The following TMPRSS5 variants were observed in gnomAD, a reference collection of about 807,000 sequenced individuals.
The protein encoded by TMPRSS5 is transmembrane serine protease 5, also known as transmembrane protease serine 5.
A neutral mutation model predicts 59.7 loss-of-function variants in TMPRSS5; 45 were observed. That is an observed-to-expected ratio of 0.75 (90% CI 0.59 to 0.97). The LOEUF (loss-of-function observed/expected upper bound fraction) is 0.97. TMPRSS5 is among the 50% of genes least tolerant of loss of function. TMPRSS5 has a pLI of 0.00. For synonymous variants in TMPRSS5, 225 were observed against 232.0 expected (o/e 0.97, Z 0.27); for missense variants, 585 against 596.7 (o/e 0.98, Z 0.20).
At chr11:113,700,269 T>G in intron 1 of TMPRSS5, 101 bp from the exon 2 acceptor site, 1 of 1,055,192 alleles carries the variant, frequency 9.5e-7, no homozygotes, top group African/African-American at 1.6e-5. Flanking sequence ...CCAGCCATGA[T>G]TCCATTGCCA....
At chr11:113,696,728 G>A (rs1326215118) in intron 6 of TMPRSS5, 130 bp downstream of exon 6, 2 of 635,560 alleles carry the variant, frequency 3.1e-6, no homozygotes, top group African/African-American at 1.8e-5. Context: ...ACTAGGAAAT[G>A]TTCCTCTTTG....
chr11:113,704,208 A>G (rs185276799), intron 1 of TMPRSS5, among the ~76,000 whole-genome samples: 14 of 152,202 alleles, frequency 9.2e-5, no homozygotes, highest in African/African-American at 3.1e-4. Flanking sequence ...AGATCTTAAA[A>G]AAAACACCAG....
Position 113,696,977 on chromosome 11 carries a change from C to A in TMPRSS5, c.465-6G>T. 1 of 1,559,050 alleles carries A rather than the reference C, an allele frequency of 6.4e-7. No individual in the cohort carries two copies. Among genetic ancestry groups the A allele is most frequent in the Non-Finnish European group, 8.7e-7 (1 of 1,147,804 alleles). On this transcript the variant is annotated splice_region_variant and splice_polypyrimidine_tract_variant and intron_variant, in intron 5 of 12. Transcript: ENST00000299882. ...CTCCCTTGTGGTGAGTGAGTCTTGG[C>A]AGAAGAAGGGAATAGAACAGGAGGA...
At position 113,691,892 on chromosome 11, in the gene TMPRSS5, C is replaced by CTTTTTTTTTTTTTTTTT. The variant is rs58784708; in HGVS notation, c.965-954_965-953insAAAAAAAAAAAAAAAAA. Among the ~76,000 whole-genome samples the CTTTTTTTTTTTTTTTTT allele has an allele frequency of 5.8e-4, 70 of 121,100 alleles. 4 individuals carry two copies. The highest frequency in any genetic ancestry group is 1.2e-3 in the South Asian group (5 of 4,006). The allele number at this position is 121,100 out of a possible 152,430, so 79.4% of individuals were successfully genotyped here. On this transcript the variant is annotated intron_variant, in intron 9 of 12. Transcript: ENST00000299882. ...AGAAAGTTTTCTTTTCCTTTTTTTT[C>CTTTTTTTTTTTTTTTTT]TTTTTTTTTTTTTGAGACGGAGTCT...
chr11:113,695,562 A>C (rs1250005961), intron 6 of TMPRSS5, 119 bp from the exon 7 acceptor site: 1 of 943,430 alleles, frequency 1.1e-6, no homozygotes, highest in Non-Finnish European at 1.7e-6. Flanking sequence ...TAAGGCTGTC[A>C]TGTAGCCACA....
At chr11:113,698,800 T>C (rs1322074309) in intron 4 of TMPRSS5, 105 bp downstream of exon 4, 3 of 1,324,104 alleles carry the variant, frequency 2.3e-6, no homozygotes, top group African/African-American at 1.5e-5. Flanking sequence ...GAAACACATA[T>C]GGTTGGCAGT....
chr11:113,692,279 C>T (rs566750097), intron 9 of TMPRSS5, among the ~76,000 whole-genome samples: 1 of 152,272 alleles, frequency 6.6e-6, no homozygotes, highest in East Asian at 1.9e-4. Context: ...CTTAAGGCTA[C>T]AGGTAATGAC....
Position 113,690,930 on chromosome 11 carries a change from C to G in TMPRSS5, c.974G>C (p.Gly325Ala). 1.3e-6 allele frequency: 2 copies of G among 1,586,356 alleles called. No homozygotes were observed. The highest frequency in any genetic ancestry group is 1.7e-6 in the Non-Finnish European group (2 of 1,166,760). Residue 325 changes from glycine to alanine, a missense_variant, in exon 10 of 13, where the codon GGC becomes GCC. Physicochemically the swap from Gly to Ala is moderately conservative, Grantham distance 60. Transcript: ENST00000299882. ...TTCCTTGGCCGGCAGGCACACAGCG[C>G]CCACAGTGTCTGTAGAGAGGCACAT... ...QTALNFSDTVGAVCLPAKEQH... is the reference protein window; with the variant it reads ...QTALNFSDTVAAVCLPAKEQH...
At chr11:113,702,756 A>G (rs1953177873) in intron 1 of TMPRSS5, among the ~76,000 whole-genome samples, 1 of 152,208 alleles carries the variant, frequency 6.6e-6, no homozygotes, top group Admixed American at 6.5e-5. Flanking sequence ...CATGGCTAAA[A>G]GGGGACAAGG....
At chr11:113,696,564 A>C (rs1038452126) in intron 6 of TMPRSS5, among the ~76,000 whole-genome samples, 3 of 152,356 alleles carry the variant, frequency 2.0e-5, no homozygotes, top group Non-Finnish European at 1.5e-5. Flanking sequence ...CTTTAACCTT[A>C]TTAAGCCTCA....
intron 1 of TMPRSS5, among the ~76,000 whole-genome samples, chr11:113,703,994 G>A (rs912850085): frequency 7.9e-5 from 12 of 152,140 alleles, no homozygotes; most frequent in Admixed American, 5.9e-4. Context: ...TCTCATTGAG[G>A]TGATCACAGA....
intron 5 of TMPRSS5, 53 bp from the exon 6 acceptor site, chr11:113,697,024 G>A (rs201323791): frequency 9.6e-6 from 13 of 1,358,674 alleles, no homozygotes; most frequent in South Asian, 3.7e-5. Context: ...GAATATGTAC[G>A]AGATATAATA....
At chr11:113,699,735 G>A (rs1277887731) in intron 2 of TMPRSS5, 42 bp from the exon 3 acceptor site, 5 of 1,535,240 alleles carry the variant, frequency 3.3e-6, no homozygotes, top group East Asian at 4.9e-5. Context: ...CCCTGCTCCT[G>A]CCAGCCTGCC....
Position 113,700,164 on chromosome 11 carries a change from A to G in TMPRSS5, c.8T>C (p.Leu3Pro). The change falls in exon 2 of 13, where the codon CTG becomes CCG. Residue 3 changes from leucine (L) to proline (P), a missense_variant. By Grantham distance (98) the Leu-to-Pro change is moderately conservative (BLOSUM62 -3). Transcript: ENST00000299882. ...CATAGGGGGTTGGTCATCCAGCATC[A>G]GGCTCTGGGGAAATAAGGGCCAGAC... MS[L>P]MLDDQPPMEA... 6.4e-7 allele frequency: 1 copy of G among 1,564,478 alleles called. No homozygotes were observed. The highest frequency in any genetic ancestry group is 8.7e-7 in the Non-Finnish European group (1 of 1,152,978).
At chr11:113,698,712 C>T in intron 4 of TMPRSS5, 193 bp downstream of exon 4, 1 of 657,368 alleles carries the variant, frequency 1.5e-6, no homozygotes, top group Non-Finnish European at 2.6e-6. Flanking sequence ...TCAGGACAGT[C>T]CTCAGGCAGT....
At chr11:113,697,214 G>T (rs1258721472) in intron 5 of TMPRSS5, 69 bp downstream of exon 5, 34 of 1,552,234 alleles carry the variant, frequency 2.2e-5, no homozygotes. Context: ...GGCAGGTAGA[G>T]GTCTCCAATT....
chr11:113,695,494 C>T (rs1952904089), intron 6 of TMPRSS5, 51 bp from the exon 7 acceptor site: 14 of 1,589,164 alleles, frequency 8.8e-6, no homozygotes, highest in Non-Finnish European at 1.2e-5. Flanking sequence ...GCCCTGCAGC[C>T]ACACACATCC....
At chr11:113,700,345 C>T (rs992592376) in intron 1 of TMPRSS5, among the ~76,000 whole-genome samples, 177 bp from the exon 2 acceptor site, 1 of 152,202 alleles carries the variant, frequency 6.6e-6, no homozygotes, top group African/African-American at 2.4e-5. Context: ...CCAGGCTCCC[C>T]TGTGCCCTCC....
intron 1 of TMPRSS5, among the ~76,000 whole-genome samples, chr11:113,702,873 C>T (rs1953182461): frequency 1.3e-5 from 2 of 152,236 alleles, no homozygotes; most frequent in Non-Finnish European, 2.9e-5. Flanking sequence ...GTTTGAAAAC[C>T]TCCACCTAGA....
Sources: gnomAD v4.1 joint callset for allele counts (sites outside exome capture counted in the v4.1 genomes callset) on GRCh38, gnomAD v4.1.1 for gene constraint, MANE v1.5 for transcripts, NCBI Gene and HGNC (gene_info 2026-07-23, HGNC 2026-07-21) for gene names.